AUTS2: variants seen among roughly 807,000 people sequenced by gnomAD.
AUTS2 encodes autism susceptibility gene 2 protein.
In AUTS2, 17 loss-of-function variants were observed where a neutral mutation model predicts 112.4. The ratio of observed to expected loss-of-function variants is 0.15; its 90% CI spans 0.10 to 0.23. The LOEUF (loss-of-function observed/expected upper bound fraction) is 0.23. Ranked by LOEUF, AUTS2 falls within the 10% of genes least tolerant of loss-of-function variation. The pLI is 1.00. For synonymous variants in AUTS2, 751 were observed against 702.7 expected, an observed-to-expected ratio of 1.07 and a Z score of -1.09; for missense variants, 1,510 against 1,701.6, an observed-to-expected ratio of 0.89 and a Z score of 1.98.
intron 5 of AUTS2, among the ~76,000 whole-genome samples, chr7:70,479,201 C>A (rs570824451): frequency 1.3e-5 from 2 of 152,198 alleles, no homozygotes; most frequent in East Asian, 3.9e-4. Flanking sequence ...TTTTTAAAAT[C>A]TTGACGATGT....
intron 5 of AUTS2, among the ~76,000 whole-genome samples, chr7:70,594,414 T>G (rs1460938158): frequency 6.6e-6 from 1 of 152,218 alleles, no homozygotes; most frequent in African/African-American, 2.4e-5. Context: ...TCTGGGTTCC[T>G]GGATGCTGCT....
intron 4 of AUTS2, among the ~76,000 whole-genome samples, chr7:70,163,362 A>AGGGG (rs1808216158): frequency 5.2e-4 from 1 of 1,922 alleles, no homozygotes. Flanking sequence ...GGGGGGGCAG[A>AGGGG]GGGGGAGGGA....
intron 6 of AUTS2, among the ~76,000 whole-genome samples, chr7:70,703,490 C>CAAAAAAAAA (rs57223380): frequency 1.0e-5 from 1 of 98,636 alleles, no homozygotes; most frequent in Non-Finnish European, 1.9e-5. Context: ...GACACCATTT[C>CAAAAAAAAA]AAAAAAAAAA....
intron 1 of AUTS2, among the ~76,000 whole-genome samples, chr7:69,891,774 C>CTTTTTTTTTGTTTTTTT (rs1794532222): frequency 3.7e-5 from 1 of 26,714 alleles, no homozygotes; most frequent in Non-Finnish European, 7.8e-5. Context: ...AGACAGATAT[C>CTTTTTTTTTGTTTTTTT]TTTTTTTTTT....
At chr7:70,628,217 G>A (rs546997171) in intron 5 of AUTS2, among the ~76,000 whole-genome samples, 2 of 152,212 alleles carry the variant, frequency 1.3e-5, no homozygotes, top group East Asian at 3.9e-4. Context: ...ATTTGCCATG[G>A]TGGGACAGAT....
chr7:69,672,207 G>A (rs977592574), intron 1 of AUTS2, among the ~76,000 whole-genome samples: 5 of 152,024 alleles, frequency 3.3e-5, no homozygotes, highest in African/African-American at 9.7e-5. Context: ...TCACAGGCAT[G>A]CACCACCATG....
At chr7:69,890,326 G>A (rs889426491) in intron 1 of AUTS2, among the ~76,000 whole-genome samples, 2 of 152,152 alleles carry the variant, frequency 1.3e-5, no homozygotes, top group African/African-American at 4.8e-5. Context: ...TCAGTGTGTG[G>A]TTTTGTTTTC....
At chr7:69,943,475 G>A (rs1260564947) in intron 2 of AUTS2, among the ~76,000 whole-genome samples, 1 of 152,132 alleles carries the variant, frequency 6.6e-6, no homozygotes, top group Non-Finnish European at 1.5e-5. Context: ...TATATGTCAT[G>A]CAGGAAATAT....
intron 4 of AUTS2, among the ~76,000 whole-genome samples, chr7:70,340,834 G>C (rs1791231252): frequency 1.3e-5 from 2 of 152,228 alleles, no homozygotes; most frequent in Admixed American, 1.3e-4. Flanking sequence ...TTTGGCGCCT[G>C]CCAAGGGGAC....
At chr7:70,603,845 G>C (rs1803596416) in intron 5 of AUTS2, among the ~76,000 whole-genome samples, 1 of 152,174 alleles carries the variant, frequency 6.6e-6, no homozygotes, top group Admixed American at 6.5e-5. Flanking sequence ...CAGTTCCTCT[G>C]AAGCAGAGAT....
At chr7:70,520,564 A>G (rs1799600926) in intron 5 of AUTS2, among the ~76,000 whole-genome samples, 1 of 152,208 alleles carries the variant, frequency 6.6e-6, no homozygotes, top group African/African-American at 2.4e-5. Context: ...ATTATTCAGG[A>G]GATATTTATT....
At chr7:70,015,172 A>G (rs1799972766) in intron 2 of AUTS2, among the ~76,000 whole-genome samples, 1 of 152,178 alleles carries the variant, frequency 6.6e-6, no homozygotes, top group African/African-American at 2.4e-5. Context: ...TTTTTTAAAA[A>G]CAACAGCCAA....
chr7:70,347,243 C>T (rs1328314991), intron 4 of AUTS2, among the ~76,000 whole-genome samples: 1 of 152,194 alleles, frequency 6.6e-6, no homozygotes, highest in Non-Finnish European at 1.5e-5. Flanking sequence ...CTCCCCACCT[C>T]CTTCTGCTCA....
intron 1 of AUTS2, among the ~76,000 whole-genome samples, chr7:69,759,901 T>A (rs1337979647): frequency 1.3e-5 from 2 of 150,994 alleles, no homozygotes; most frequent in African/African-American, 4.9e-5. Flanking sequence ...GGATCTTCTG[T>A]CCTCTAGAAG....
At chr7:70,343,205 C>G (rs1260983856) in intron 4 of AUTS2, among the ~76,000 whole-genome samples, 1 of 152,202 alleles carries the variant, frequency 6.6e-6, no homozygotes, top group African/African-American at 2.4e-5. Flanking sequence ...TTCACTTGCT[C>G]TGTCAGAACT....
At chr7:69,875,011 A>G (rs1373524424) in intron 1 of AUTS2, among the ~76,000 whole-genome samples, 3 of 150,294 alleles carry the variant, frequency 2.0e-5, no homozygotes, top group Admixed American at 6.6e-5. Flanking sequence ...ATGATTATCT[A>G]TTGACTATAA....
At chr7:70,699,950 C>T (rs7779509) in intron 6 of AUTS2, among the ~76,000 whole-genome samples, 9,687 of 152,238 alleles carry the variant, frequency 0.064, 421 homozygotes, top group Non-Finnish European at 0.099. Flanking sequence ...CTGCAGCCCC[C>T]CAGGACCTCT....
At position 70,792,823 on chromosome 7, in the gene AUTS2, T is replaced by G. The variant is rs1792058231; in HGVS notation, c.*1827T>G. The G allele has an allele frequency of 6.6e-6, 1 of 152,630 alleles. No homozygotes were observed. The allele number at this position is 152,630 out of a possible 1,614,324, so 9.5% of individuals were successfully genotyped here. On this transcript the variant is annotated 3_prime_UTR_variant, in exon 19 of 19. Transcript: ENST00000342771. ...TCAGCATGTTCTCATCGGCGGAGCCTTCTTGTGTAATGTAAACTGTGCCAT... is the reference window on the plus strand; with the variant it reads ...TCAGCATGTTCTCATCGGCGGAGCCGTCTTGTGTAATGTAAACTGTGCCAT...
At chr7:70,381,922 C>T (rs986380153) in intron 4 of AUTS2, among the ~76,000 whole-genome samples, 5 of 151,946 alleles carry the variant, frequency 3.3e-5, no homozygotes, top group Admixed American at 1.3e-4. Context: ...GAGTGTATAC[C>T]GTATACCAAG....
Sources: gnomAD v4.1 joint callset for allele counts (sites outside exome capture counted in the v4.1 genomes callset) on GRCh38, gnomAD v4.1.1 for gene constraint, MANE v1.5 for transcripts, NCBI Gene and HGNC (gene_info 2026-07-23, HGNC 2026-07-21) for gene names.